LRPPRC: variants seen among roughly 807,000 people sequenced by gnomAD.
The protein encoded by LRPPRC is leucine-rich PPR motif-containing protein, mitochondrial.
In LRPPRC, 120 loss-of-function variants were observed where a neutral mutation model predicts 180.3. The observed-to-expected ratio is 0.67, with a 90% CI of 0.57 to 0.77. The LOEUF (loss-of-function observed/expected upper bound fraction) is 0.77, where lower values mean the gene tolerates loss of function less well. Ranked by LOEUF, LRPPRC falls within the 30% of genes least tolerant of loss-of-function variation. The probability of loss-of-function intolerance (pLI) is 0.00; values close to 1 mark genes in which losing one functional copy is unlikely to be tolerated. For synonymous variants in LRPPRC, 723 were observed against 600.0 expected, an observed-to-expected ratio of 1.21 and a Z score of -3.00; for missense variants, 2,012 against 1,657.2, an observed-to-expected ratio of 1.21 and a Z score of -3.72.
At chr2:43,974,836 A>C (rs1673979460) in intron 7 of LRPPRC, 78 bp from the exon 8 acceptor site, 1 of 1,452,024 alleles carries the variant, frequency 6.9e-7, no homozygotes, top group Non-Finnish European at 9.6e-7. Context: ...AAATATCCAG[A>C]TTCAAAAAAC....
Position 43,891,413 on chromosome 2 carries a change from A to T in LRPPRC, c.3986-1537T>A, listed in dbSNP as rs115103110. Among the ~76,000 whole-genome samples the T allele has an allele frequency of 4.6e-5, 7 of 152,298 alleles. No homozygotes were observed. The East Asian group carries it at 1.3e-3, about 29-fold the overall frequency. On this transcript the variant is annotated intron_variant, in intron 36 of 37. Coordinates refer to ENST00000260665, the MANE Select transcript of LRPPRC (RefSeq NM_133259.4). ...TAACCCTGCCTTGGGCAAGTCTATC[A>T]ATGCCATTTTTCCAACAATATGTGC... is the stretch of plus-strand genomic sequence containing the variant.
chr2:43,977,475 A>G (rs1242075519), intron 3 of LRPPRC, among the ~76,000 whole-genome samples, 199 bp from the exon 4 acceptor site: 3 of 152,174 alleles, frequency 2.0e-5, no homozygotes, highest in Non-Finnish European at 2.9e-5. Flanking sequence ...TTACTGAGTT[A>G]CTGTATAGTT....
intron 14 of LRPPRC, among the ~76,000 whole-genome samples, chr2:43,953,042 C>T (rs780368403): frequency 2.0e-5 from 3 of 152,204 alleles, no homozygotes; most frequent in Non-Finnish European, 2.9e-5. Flanking sequence ...TACTACCAAT[C>T]TACTTACACT....
Position 43,977,252 on chromosome 2 carries a change from T to G in LRPPRC, c.494A>C (p.Tyr165Ser). ...AAGATAGACTTTAAGTAAAGCATTA[T>G]AGTGACTCACATCATACACAGCACC... ...KLGAVYDVSH[Y>S]NALLKVYLQN... Residue 165 changes from tyrosine to serine, a missense_variant, in exon 4 of 38, where the codon TAT becomes TCT. Coordinates refer to ENST00000260665, the MANE Select transcript of LRPPRC (RefSeq NM_133259.4). 4 of 1,601,380 alleles carry G rather than the reference T, an allele frequency of 2.5e-6. No individual in the cohort carries two copies. The highest frequency in any genetic ancestry group is 3.4e-6 in the Non-Finnish European group (4 of 1,168,664).
In LRPPRC at chr2:43,974,308, C is replaced by A. The variant is rs201354989; in HGVS notation, c.1010-13G>T. 9 of 1,596,804 alleles carry A rather than the reference C, an allele frequency of 5.6e-6. No individual in the cohort carries two copies. In the Admixed American group the frequency reaches 1.3e-4, roughly 24 times the overall value. On this transcript the variant is annotated splice_polypyrimidine_tract_variant and intron_variant, in intron 8 of 37. Transcript: ENST00000260665. ...AGGTTCATTGCATCTGGGAAGAAAA[C>A]AAAGACATCTTTTGTTAATAAACTG...
chr2:43,967,646 A>G (rs1453720417), intron 11 of LRPPRC, among the ~76,000 whole-genome samples: 4 of 152,170 alleles, frequency 2.6e-5, no homozygotes, highest in African/African-American at 4.8e-5. Context: ...GTGAGCCAGT[A>G]TCACGCCACT....
At chr2:43,950,872 C>T (rs1202920340) in intron 14 of LRPPRC, among the ~76,000 whole-genome samples, 1 of 152,152 alleles carries the variant, frequency 6.6e-6, no homozygotes, top group Non-Finnish European at 1.5e-5. Context: ...GAGTTTGAGA[C>T]CAGCCTGGCC....
intron 14 of LRPPRC, among the ~76,000 whole-genome samples, chr2:43,956,095 A>G (rs182921384): frequency 6.6e-6 from 1 of 152,140 alleles, no homozygotes; most frequent in Non-Finnish European, 1.5e-5. Context: ...ACAGAAAAAT[A>G]CAAAATGTAG....
chr2:43,959,867 G>C (rs1461869951), intron 13 of LRPPRC, among the ~76,000 whole-genome samples: 1 of 152,220 alleles, frequency 6.6e-6, no homozygotes, highest in Non-Finnish European at 1.5e-5. Context: ...CTAGGTGACA[G>C]AGTGAGACTG....
At chr2:43,928,456 C>T (rs1671967611) in intron 25 of LRPPRC, among the ~76,000 whole-genome samples, 1 of 152,152 alleles carries the variant, frequency 6.6e-6, no homozygotes, top group Non-Finnish European at 1.5e-5. Flanking sequence ...TTCACCTGTT[C>T]TGATTTTTCT....
In LRPPRC at chr2:43,949,672, A is replaced by C. The variant is rs770325496; in HGVS notation, c.1678-13T>G. 1 of 1,606,528 alleles carries C rather than the reference A, an allele frequency of 6.2e-7. No individual in the cohort carries two copies. The highest frequency in any genetic ancestry group is 8.5e-7 in the Non-Finnish European group (1 of 1,173,182). On this transcript the variant is annotated splice_polypyrimidine_tract_variant and intron_variant, in intron 15 of 37. Transcript: ENST00000260665. Reference sequence around the variant, plus strand: ...ACAATTCTGTTATCTGGTAAGACAGAAAATTCGTGCATTGCAGCAAGAGAA... The same window carrying C: ...ACAATTCTGTTATCTGGTAAGACAGCAAATTCGTGCATTGCAGCAAGAGAA...
chr2:43,949,707 A>G, intron 15 of LRPPRC, 48 bp from the exon 16 acceptor site: 1 of 1,183,000 alleles, frequency 8.5e-7, no homozygotes, highest in Non-Finnish European at 1.3e-6. Context: ...AGCAAACAAG[A>G]ACAAACACAA....
intron 11 of LRPPRC, among the ~76,000 whole-genome samples, chr2:43,966,404 T>G (rs560532013): frequency 1.3e-4 from 19 of 143,622 alleles, no homozygotes; most frequent in Non-Finnish European, 2.9e-4. Flanking sequence ...TCAAGTGTTC[T>G]GGCCACAATA....
chr2:43,905,806 G>A, intron 30 of LRPPRC, 26 bp from the exon 31 acceptor site: 2 of 1,370,912 alleles, frequency 1.5e-6, no homozygotes, highest in Non-Finnish European at 2.1e-6. Context: ...ATTTAGAAAG[G>A]AATTACTGAC....
chr2:43,952,542 A>G (rs1672946254), intron 14 of LRPPRC, among the ~76,000 whole-genome samples: 1 of 152,120 alleles, frequency 6.6e-6, no homozygotes, highest in South Asian at 2.1e-4. Flanking sequence ...GTCCTCTTTC[A>G]CTAAGTTTTG....
In LRPPRC at chr2:43,973,852, T is replaced by A. The variant is rs752433011; in HGVS notation, c.1204A>T (p.Met402Leu). 3 of 1,613,654 alleles carry A rather than the reference T, an allele frequency of 1.9e-6. No individual in the cohort carries two copies. The highest frequency in any genetic ancestry group is 1.7e-5 in the Admixed American group (1 of 59,994). ...GTGAACTGCAGAGGAAAGGAGTGCA[T>A]CTGGACTTCCTTTAACTTCTTACAG... is the stretch of plus-strand genomic sequence containing the variant. ...DYCKKLKEVQMHSFPLQFTLH... is the reference protein window; with the variant it reads ...DYCKKLKEVQLHSFPLQFTLH... Residue 402 changes from methionine (M) to leucine (L), a missense_variant, in exon 10 of 38, where the codon ATG (methionine) becomes TTG (leucine). Physicochemically the swap from Met to Leu is conservative, Grantham distance 15. Transcript: ENST00000260665.
At chr2:43,991,743 A>T (rs921013221) in intron 1 of LRPPRC, among the ~76,000 whole-genome samples, 1 of 152,224 alleles carries the variant, frequency 6.6e-6, no homozygotes, top group Admixed American at 6.5e-5. Flanking sequence ...AAGTAAAAGG[A>T]TATACTTCTT....
At position 43,918,235 on chromosome 2, in the gene LRPPRC, G is replaced by T. The variant is rs7568481; in HGVS notation, c.3039+21C>A. ...TTATACTGACAACAAAATCTGTTACGATTATGCCAAAAACAATTACCTCAG... is the reference window on the plus strand; with the variant it reads ...TTATACTGACAACAAAATCTGTTACTATTATGCCAAAAACAATTACCTCAG... On this transcript the variant is annotated intron_variant, in intron 28 of 37. Transcript: ENST00000260665. The T allele has an allele frequency of 0.44, 703,198 of 1,608,396 alleles. 164,885 individuals carry two copies. The highest frequency in any genetic ancestry group is 0.93 in the East Asian group (41,589 of 44,824).
At chr2:43,956,014 G>T (rs1367053716) in intron 14 of LRPPRC, among the ~76,000 whole-genome samples, 2 of 150,808 alleles carry the variant, frequency 1.3e-5, no homozygotes. Context: ...AATGTAAGAC[G>T]TGCCCATCAC....
Sources: allele counts gnomAD v4.1 joint callset (sites outside exome capture counted in the v4.1 genomes callset), GRCh38; gene constraint gnomAD v4.1.1; transcripts MANE v1.5; gene names NCBI Gene and HGNC (gene_info 2026-07-23, HGNC 2026-07-21).